BMAL1: variants seen among roughly 807,000 people sequenced by gnomAD.
BMAL1 encodes the protein basic helix-loop-helix ARNT-like protein 1.
At chr11:13,341,144 C>G in the BMAL1 span, among the ~76,000 whole-genome samples, 1 of 152,236 alleles carries the variant, frequency 6.6e-6, no homozygotes, top group Non-Finnish European at 1.5e-5. Flanking sequence ...TCAGCCTCTT[C>G]TTCTGCTGCC....
chr11:13,362,120 C>G, the BMAL1 span, among the ~76,000 whole-genome samples: 5 of 152,178 alleles, frequency 3.3e-5, no homozygotes, highest in African/African-American at 1.2e-4. Context: ...CTTTCCAGAG[C>G]CACATGCATT....
At chr11:13,337,417 T>C in the BMAL1 span, among the ~76,000 whole-genome samples, 2 of 152,180 alleles carry the variant, frequency 1.3e-5, no homozygotes, top group African/African-American at 4.8e-5. Flanking sequence ...TAAATGTATA[T>C]CTATTTATAT....
chr11:13,290,398 G>C, the BMAL1 span, among the ~76,000 whole-genome samples: 1 of 152,196 alleles, frequency 6.6e-6, no homozygotes, highest in Non-Finnish European at 1.5e-5. Flanking sequence ...GGCATTCTTG[G>C]ATGTTTCATC....
At chr11:13,286,359 G>A in the BMAL1 span, among the ~76,000 whole-genome samples, 1 of 152,218 alleles carries the variant, frequency 6.6e-6, no homozygotes, top group Non-Finnish European at 1.5e-5. Context: ...AAATGAGACA[G>A]TAGTGCAGAG....
At chr11:13,355,070 T>C in the BMAL1 span, 1 of 583,822 alleles carries the variant, frequency 1.7e-6, no homozygotes, top group Non-Finnish European at 3.1e-6. Flanking sequence ...ACCTAGGGAA[T>C]AAGGCAGTGT....
the BMAL1 span, among the ~76,000 whole-genome samples, chr11:13,377,444 A>G: frequency 2.6e-5 from 4 of 152,012 alleles, no homozygotes; most frequent in Non-Finnish European, 4.4e-5. Context: ...TGAACCTTCT[A>G]TCTCTTAAAC....
the BMAL1 span, among the ~76,000 whole-genome samples, chr11:13,280,686 C>G: frequency 6.6e-6 from 1 of 152,184 alleles, no homozygotes; most frequent in Non-Finnish European, 1.5e-5. Flanking sequence ...TCTCCACAGT[C>G]TTTTTTCATT....
At chr11:13,375,354 C>G in the BMAL1 span, among the ~76,000 whole-genome samples, 1 of 152,196 alleles carries the variant, frequency 6.6e-6, no homozygotes, top group Admixed American at 6.5e-5. Context: ...AGATGTATAA[C>G]ATGCAGTCAG....
chr11:13,304,729 A>C, the BMAL1 span, among the ~76,000 whole-genome samples: 105 of 152,290 alleles, frequency 6.9e-4, no homozygotes, highest in South Asian at 6.8e-3. Flanking sequence ...GGGGTGAGAT[A>C]TGCCTACTGG....
the BMAL1 span, among the ~76,000 whole-genome samples, chr11:13,329,437 G>A: frequency 6.6e-6 from 1 of 152,182 alleles, no homozygotes; most frequent in Non-Finnish European, 1.5e-5. Flanking sequence ...ACCTTTTGAA[G>A]GTCTCAGGGC....
chr11:13,364,419 C>T, the BMAL1 span, among the ~76,000 whole-genome samples: 1 of 152,224 alleles, frequency 6.6e-6, no homozygotes, highest in Non-Finnish European at 1.5e-5. Flanking sequence ...TTTCCTAGTT[C>T]TTTGAATTAA....
the BMAL1 span, among the ~76,000 whole-genome samples, chr11:13,372,830 A>G: frequency 6.6e-6 from 1 of 152,114 alleles, no homozygotes; most frequent in Non-Finnish European, 1.5e-5. Context: ...GAGACAAATG[A>G]TGAGAGTCTC....
the BMAL1 span, among the ~76,000 whole-genome samples, chr11:13,368,387 G>A: frequency 6.6e-6 from 1 of 152,230 alleles, no homozygotes; most frequent in Admixed American, 6.5e-5. Context: ...AGGTGCAGGG[G>A]TGTGGAGCCA....
At chr11:13,370,014 G>C in the BMAL1 span, among the ~76,000 whole-genome samples, 1 of 152,286 alleles carries the variant, frequency 6.6e-6, no homozygotes, top group East Asian at 1.9e-4. Flanking sequence ...CTTTTAACAT[G>C]ATTGAGGAAG....
the BMAL1 span, among the ~76,000 whole-genome samples, chr11:13,304,174 G>A: frequency 6.6e-6 from 1 of 152,198 alleles, no homozygotes; most frequent in African/African-American, 2.4e-5. Flanking sequence ...TCTGGCTGCT[G>A]TGTTGAGAGT....
the BMAL1 span, among the ~76,000 whole-genome samples, chr11:13,291,137 T>G: frequency 6.6e-6 from 1 of 152,214 alleles, no homozygotes; most frequent in African/African-American, 2.4e-5. Flanking sequence ...TGTAGTCTAC[T>G]TAAAGGCCAA....
chr11:13,362,901 C>G, the BMAL1 span, among the ~76,000 whole-genome samples: 1 of 152,102 alleles, frequency 6.6e-6, no homozygotes, highest in Admixed American at 6.6e-5. Flanking sequence ...CTGGGCCCCA[C>G]AAATTATGTA....
At chr11:13,278,934 C>T in the BMAL1 span, among the ~76,000 whole-genome samples, 18 of 152,216 alleles carry the variant, frequency 1.2e-4, no homozygotes, top group Admixed American at 2.0e-4. Context: ...GTTAGCCTCC[C>T]CGAGGGGTCG....
chr11:13,373,207 C>T, the BMAL1 span, among the ~76,000 whole-genome samples: 84 of 152,206 alleles, frequency 5.5e-4, 1 homozygote, highest in East Asian at 0.013. Flanking sequence ...GAACAGAGGC[C>T]AGCCTGGGGA....
Sources: gnomAD v4.1 joint callset for allele counts (sites outside exome capture counted in the v4.1 genomes callset) on GRCh38, gnomAD v4.1.1 for gene constraint, MANE v1.5 for transcripts, NCBI Gene and HGNC (gene_info 2026-07-23, HGNC 2026-07-21) for gene names.